The following PTTG1IP variants were observed in gnomAD, a reference collection of about 807,000 sequenced individuals.
The protein encoded by PTTG1IP is PTTG1 interacting protein.
PTTG1IP carries 16 observed loss-of-function variants against 24.4 expected under a neutral mutation model. The ratio of observed to expected loss-of-function variants is 0.66; its 90% CI spans 0.44 to 1.00. PTTG1IP has a LOEUF of 1.00. Among genes scored for constraint, PTTG1IP ranks in the 50% least tolerant of loss-of-function variants. The pLI, the probability that PTTG1IP is intolerant of heterozygous loss-of-function variation, is 0.00. For missense variants in PTTG1IP, 241 were observed against 245.8 expected (o/e 0.98, Z 0.13); for synonymous variants, 89 against 96.8 (o/e 0.92, Z 0.47).
intron 2 of PTTG1IP, 138 bp from the exon 3 acceptor site, chr21:44,861,409 A>T: frequency 1.5e-6 from 1 of 682,214 alleles, no homozygotes; most frequent in Non-Finnish European, 2.5e-6. Context: ...TCAACGCCTC[A>T]TCTCTGCCTT....
chr21:44,861,821 A>G (rs2083494543), intron 2 of PTTG1IP: 2 of 717,434 alleles, frequency 2.8e-6, no homozygotes, highest in Non-Finnish European at 5.2e-6. Flanking sequence ...CACAGGACAC[A>G]GCCTGGCCCA....
chr21:44,873,437 AC>A, intron 1 of PTTG1IP, 64 bp downstream of exon 1: 1 of 1,244,752 alleles, frequency 8.0e-7, no homozygotes, highest in Non-Finnish European at 1.0e-6. Context: ...CCCGACCCCG[AC>A]CCCGACCTGG....
At position 44,851,565 on chromosome 21, in the gene PTTG1IP, G is replaced by C. The variant is rs931465580; in HGVS notation, c.*16C>G. The C allele has an allele frequency of 1.2e-6, 2 of 1,611,402 alleles. No individual in the cohort carries two copies. The highest frequency in any genetic ancestry group is 1.7e-6 in the Non-Finnish European group (2 of 1,177,588). On this transcript the variant is annotated 3_prime_UTR_variant, in exon 6 of 6. Transcript: ENST00000330938. ...GCACCTCACAGGAAGCGTCGGGACT[G>C]ATGTGCTGGAGCGCTTTAGTTGTTT...
At chr21:44,873,446 T>G (rs1274851784) in intron 1 of PTTG1IP, 56 bp downstream of exon 1, 21 of 1,305,278 alleles carry the variant, frequency 1.6e-5, no homozygotes, top group Non-Finnish European at 1.9e-5. Context: ...GACCCCGACC[T>G]GGACCCACCA....
intron 1 of PTTG1IP, chr21:44,865,677 A>C: frequency 1.7e-6 from 1 of 602,184 alleles, no homozygotes; most frequent in Admixed American, 2.8e-5. Flanking sequence ...AAGAGTATAA[A>C]CATGCGGCTC....
At chr21:44,852,433 G>C (rs1348251792) in intron 5 of PTTG1IP, among the ~76,000 whole-genome samples, 3 of 152,076 alleles carry the variant, frequency 2.0e-5, no homozygotes, top group East Asian at 3.9e-4. Context: ...CCACCACCTT[G>C]GTCTCCCAAA....
intron 3 of PTTG1IP, among the ~76,000 whole-genome samples, chr21:44,858,447 C>T (rs75778829): frequency 0.046 from 7,018 of 152,296 alleles, 184 homozygotes; most frequent in Middle Eastern, 0.14. Flanking sequence ...CTCAGACAGC[C>T]TCTTCCTCCT....
intron 5 of PTTG1IP, among the ~76,000 whole-genome samples, chr21:44,852,858 G>A (rs1326849137): frequency 6.6e-6 from 1 of 152,152 alleles, no homozygotes; most frequent in African/African-American, 2.4e-5. Context: ...ATGCTTTCTC[G>A]CACTCTCCCA....
chr21:44,855,341 G>C (rs1159314808), intron 4 of PTTG1IP, 85 bp from the exon 5 acceptor site: 2 of 1,411,116 alleles, frequency 1.4e-6, no homozygotes, highest in Non-Finnish European at 2.0e-6. Context: ...GTCCCTCAGT[G>C]GGGGCGCCAG....
chr21:44,853,006 A>G (rs1037676436), intron 5 of PTTG1IP, among the ~76,000 whole-genome samples: 1 of 152,236 alleles, frequency 6.6e-6, no homozygotes, highest in Non-Finnish European at 1.5e-5. Flanking sequence ...CAAAATGGCA[A>G]GTGCAAGTCA....
intron 5 of PTTG1IP, among the ~76,000 whole-genome samples, chr21:44,854,124 C>T (rs1356622170): frequency 6.6e-6 from 1 of 152,204 alleles, no homozygotes; most frequent in Non-Finnish European, 1.5e-5. Flanking sequence ...GGAGGCGCCG[C>T]TCACAGTGGC....
chr21:44,866,209 A>AC, intron 1 of PTTG1IP, among the ~76,000 whole-genome samples: 1 of 124,384 alleles, frequency 8.0e-6, no homozygotes, highest in Non-Finnish European at 1.7e-5. Flanking sequence ...CCAATCCTGT[A>AC]ACACACACAC....
chr21:44,872,011 C>T (rs928255505), intron 1 of PTTG1IP, among the ~76,000 whole-genome samples: 3 of 152,244 alleles, frequency 2.0e-5, no homozygotes, highest in Admixed American at 6.5e-5. Context: ...CACCCTTCAG[C>T]AGTGCAGAGC....
rs193047197 is a variant in PTTG1IP at position 44,872,199 on chromosome 21, C to T, written c.115+1303G>A. Among the ~76,000 whole-genome samples, 15 of 152,326 alleles carry T rather than the reference C, an allele frequency of 9.8e-5. No individual in the cohort carries two copies. In the East Asian group the frequency reaches 2.5e-3, roughly 25 times the overall value. ...TCACTGCACATTTGCGCTTAGAACT[C>T]AATCTGGGCCAAAAGTTCCCAGTAC... On this transcript the variant is annotated intron_variant, in intron 1 of 5. Coordinates refer to ENST00000330938, the MANE Select transcript of PTTG1IP (RefSeq NM_004339.4).
chr21:44,856,957 G>A (rs1411920793), intron 3 of PTTG1IP, among the ~76,000 whole-genome samples: 2 of 152,100 alleles, frequency 1.3e-5, no homozygotes, highest in African/African-American at 4.8e-5. Flanking sequence ...GAGGACCTTG[G>A]GGCTGAAGAA....
intron 1 of PTTG1IP, among the ~76,000 whole-genome samples, chr21:44,866,374 AACACAC>A (rs761076398): frequency 2.2e-5 from 1 of 44,762 alleles, no homozygotes; most frequent in Non-Finnish European, 3.4e-5. Flanking sequence ...CCAATCCCAT[AACACAC>A]ACACACACAC....
intron 5 of PTTG1IP, 36 bp from the exon 6 acceptor site, chr21:44,851,663 AT>A: frequency 1.3e-6 from 2 of 1,540,316 alleles, no homozygotes; most frequent in Non-Finnish European, 1.8e-6. Context: ...AACTTCATTC[AT>A]TCAACCAGAA....
chr21:44,855,370 C>T (rs2083441604), intron 4 of PTTG1IP, 114 bp from the exon 5 acceptor site: 1 of 1,098,898 alleles, frequency 9.1e-7, no homozygotes, highest in African/African-American at 1.5e-5. Context: ...TGGTGGCTTC[C>T]CTCCAGTTCC....
At chr21:44,851,927 G>A (rs1228349760) in intron 5 of PTTG1IP, among the ~76,000 whole-genome samples, 2 of 152,184 alleles carry the variant, frequency 1.3e-5, no homozygotes, top group Admixed American at 6.5e-5. Flanking sequence ...CACAGTGGTT[G>A]GCTAGTTCCA....
Sources: allele counts gnomAD v4.1 joint callset (sites outside exome capture counted in the v4.1 genomes callset), GRCh38; gene constraint gnomAD v4.1.1; transcripts MANE v1.5; gene names NCBI Gene and HGNC (gene_info 2026-07-23, HGNC 2026-07-21).